Variants in PLCL1 observed in about 807,000 individuals in gnomAD.
The protein encoded by PLCL1 is phospholipase C like 1 (inactive).
Under a neutral mutation model 84.4 loss-of-function variants are expected in PLCL1, and 41 were observed. The observed-to-expected ratio is 0.49, with a 90% CI of 0.38 to 0.63. The LOEUF (loss-of-function observed/expected upper bound fraction) is 0.63. PLCL1 is among the 30% of genes least tolerant of loss of function. The pLI, the probability that PLCL1 is intolerant of heterozygous loss-of-function variation, is 0.00. For missense variants in PLCL1, 1,206 were observed against 1,367.8 expected, an observed-to-expected ratio of 0.88 and a Z score of 1.87; for synonymous variants, 490 against 488.3, an observed-to-expected ratio of 1.00 and a Z score of -0.05.
intron 5 of PLCL1, among the ~76,000 whole-genome samples, chr2:198,119,078 A>G (rs564257615): frequency 3.9e-5 from 6 of 152,138 alleles, no homozygotes; most frequent in African/African-American, 7.2e-5. Flanking sequence ...GAAAATGTCA[A>G]TTGTAACTCA....
chr2:198,034,984 T>C (rs546083447), intron 1 of PLCL1, among the ~76,000 whole-genome samples: 1 of 152,348 alleles, frequency 6.6e-6, no homozygotes, highest in African/African-American at 2.4e-5. Context: ...GTGTCCTTTT[T>C]CATGTCTCGT....
chr2:198,011,945 T>TCCTCTCTGTAG (rs1690877858), intron 1 of PLCL1, among the ~76,000 whole-genome samples: 1 of 152,166 alleles, frequency 6.6e-6, no homozygotes, highest in South Asian at 2.1e-4. Context: ...TGTAGGTTCC[T>TCCTCTCTGTAG]GTTTACATAG....
At chr2:197,930,959 C>G (rs970439480) in intron 1 of PLCL1, among the ~76,000 whole-genome samples, 3 of 152,030 alleles carry the variant, frequency 2.0e-5, no homozygotes, top group African/African-American at 7.3e-5. Flanking sequence ...TACTCTATGC[C>G]CTATTCTACA....
intron 1 of PLCL1, among the ~76,000 whole-genome samples, chr2:197,834,869 A>G (rs531861795): frequency 6.6e-6 from 1 of 152,354 alleles, no homozygotes; most frequent in East Asian, 1.9e-4. Flanking sequence ...TTGCAGCACT[A>G]TTCACAATAG....
At chr2:198,095,798 A>C (rs1266860407) in intron 3 of PLCL1, among the ~76,000 whole-genome samples, 1 of 152,218 alleles carries the variant, frequency 6.6e-6, no homozygotes, top group Admixed American at 6.5e-5. Context: ...GTTTTTATGC[A>C]TGTAGACTTA....
intron 3 of PLCL1, among the ~76,000 whole-genome samples, chr2:198,098,594 A>G (rs1014359478): frequency 3.3e-5 from 5 of 152,212 alleles, no homozygotes; most frequent in African/African-American, 1.2e-4. Flanking sequence ...GTGGTTGTCC[A>G]TGATAGACTG....
chr2:198,007,313 A>C (rs1690750575), intron 1 of PLCL1, among the ~76,000 whole-genome samples: 1 of 152,120 alleles, frequency 6.6e-6, no homozygotes, highest in African/African-American at 2.4e-5. Flanking sequence ...AATTGAGTCA[A>C]AATGTGTTTT....
intron 1 of PLCL1, among the ~76,000 whole-genome samples, chr2:197,828,548 A>T (rs1198064237): frequency 1.3e-5 from 2 of 152,144 alleles, no homozygotes; most frequent in African/African-American, 4.8e-5. Flanking sequence ...TTGAAAAAAT[A>T]TTCAATAATG....
chr2:198,000,234 C>A (rs1690570008), intron 1 of PLCL1, among the ~76,000 whole-genome samples: 1 of 152,090 alleles, frequency 6.6e-6, no homozygotes, highest in African/African-American at 2.4e-5. Context: ...CCCATGGATA[C>A]CTGTGAGTGC....
chr2:197,922,958 C>G (rs866949704), intron 1 of PLCL1, among the ~76,000 whole-genome samples: 4 of 115,276 alleles, frequency 3.5e-5, no homozygotes, highest in Non-Finnish European at 5.6e-5. Context: ...GGGGGCTGAC[C>G]CCCCCACCTC....
At chr2:197,822,724 C>T (rs1241855199) in intron 1 of PLCL1, among the ~76,000 whole-genome samples, 1 of 152,132 alleles carries the variant, frequency 6.6e-6, no homozygotes, top group Non-Finnish European at 1.5e-5. Flanking sequence ...AATGGTGTTC[C>T]TAGGCCTCAA....
chr2:197,933,861 TCTTA>T (rs1031267362), intron 1 of PLCL1, among the ~76,000 whole-genome samples: 21 of 152,322 alleles, frequency 1.4e-4, no homozygotes, highest in African/African-American at 2.6e-4. Flanking sequence ...TTTTGTAAAG[TCTTA>T]CTTTCTTCCT....
chr2:197,856,288 A>G (rs1687328893), intron 1 of PLCL1, among the ~76,000 whole-genome samples: 2 of 152,172 alleles, frequency 1.3e-5, no homozygotes, highest in African/African-American at 4.8e-5. Flanking sequence ...ATATCCAACC[A>G]TGCTTATTGT....
chr2:198,116,600 C>T (rs942604716), intron 5 of PLCL1, among the ~76,000 whole-genome samples: 25 of 151,782 alleles, frequency 1.6e-4, no homozygotes, highest in Admixed American at 7.9e-4. Flanking sequence ...ACAAGAAATA[C>T]GGATCATTAT....
chr2:197,999,634 A>G (rs73058820), intron 1 of PLCL1, among the ~76,000 whole-genome samples: 28,014 of 152,180 alleles, frequency 0.18, 2,639 homozygotes, highest in East Asian at 0.26. Context: ...GATTAGATGT[A>G]TAGGGCGTTG....
intron 1 of PLCL1, among the ~76,000 whole-genome samples, chr2:198,079,630 T>C (rs1692660508): frequency 6.6e-6 from 1 of 152,202 alleles, no homozygotes; most frequent in African/African-American, 2.4e-5. Flanking sequence ...ATTCTGATGA[T>C]TGAATCCTTT....
At position 197,804,960 on chromosome 2, in the gene PLCL1, C is replaced by A; in HGVS notation, c.-140C>A. The A allele has an allele frequency of 9.2e-7, 1 of 1,083,924 alleles. No homozygotes were observed. Among genetic ancestry groups the A allele is most frequent in the Non-Finnish European group, 1.3e-6 (1 of 789,166 alleles). The allele number at this position is 1,083,924 out of a possible 1,614,324, so 67.1% of individuals were successfully genotyped here. A position where few individuals can be genotyped will look rare whatever the true frequency, so the allele number is the denominator to read the frequency against. ...AGAAAGTTGCCGCCGCCGCCGCCGC[C>A]GCCGCCACTGCCGCCGCTGGGCGGT... On this transcript the variant is annotated 5_prime_UTR_variant, in exon 1 of 6. Transcript: ENST00000428675.
At chr2:198,106,856 G>A (rs967630703) in intron 5 of PLCL1, among the ~76,000 whole-genome samples, 3 of 151,814 alleles carry the variant, frequency 2.0e-5, no homozygotes, top group African/African-American at 4.8e-5. Flanking sequence ...ATTGAGGCTT[G>A]TGGGGGTTGA....
intron 1 of PLCL1, among the ~76,000 whole-genome samples, chr2:197,899,969 G>A (rs972688531): frequency 2.6e-5 from 4 of 152,154 alleles, no homozygotes; most frequent in Admixed American, 2.6e-4. Flanking sequence ...TGTTCTTCCT[G>A]TAGACTTTTG....
Sources: allele counts gnomAD v4.1 joint callset (sites outside exome capture counted in the v4.1 genomes callset), GRCh38; gene constraint gnomAD v4.1.1; transcripts MANE v1.5; gene names NCBI Gene and HGNC (gene_info 2026-07-23, HGNC 2026-07-21).